Variants in PDE8B observed in about 807,000 individuals in gnomAD.
The protein encoded by PDE8B is high affinity cAMP-specific and IBMX-insensitive 3',5'-cyclic phosphodiesterase 8B.
PDE8B carries 26 observed loss-of-function variants against 101.3 expected under a neutral mutation model. That is an observed-to-expected ratio of 0.26 (90% CI 0.19 to 0.36). PDE8B has a LOEUF of 0.36. Ranked by LOEUF, PDE8B falls within the 10% of genes least tolerant of loss-of-function variation. The probability of loss-of-function intolerance (pLI) is 1.00; values close to 1 mark genes in which losing one functional copy is unlikely to be tolerated. For synonymous variants in PDE8B, 424 were observed against 429.3 expected (o/e 0.99, Z 0.15); for missense variants, 810 against 1,163.1 (o/e 0.70, Z 4.42).
chr5:77,376,020 G>A (rs763984989), intron 10 of PDE8B, among the ~76,000 whole-genome samples: 23 of 150,404 alleles, frequency 1.5e-4, no homozygotes, highest in Non-Finnish European at 2.7e-4. Flanking sequence ...CACCTCCTGC[G>A]TAGCTGGGAT....
At chr5:77,114,032 G>T in the PDE8B span, 5 of 152,178 alleles carry the variant, frequency 3.3e-5, no homozygotes, top group Non-Finnish European at 5.9e-5. Flanking sequence ...AGAGGATGTG[G>T]AGAAATAGGA....
chr5:77,175,167 C>T, the PDE8B span, among the ~76,000 whole-genome samples: 3 of 152,158 alleles, frequency 2.0e-5, no homozygotes, highest in African/African-American at 7.2e-5. Context: ...ATCCATCTCC[C>T]CTGCCTTCTG....
intron 1 of PDE8B, among the ~76,000 whole-genome samples, chr5:77,274,529 A>G (rs1409134962): frequency 2.0e-5 from 3 of 152,230 alleles, no homozygotes; most frequent in Non-Finnish European, 4.4e-5. Context: ...GTGATGGCCA[A>G]CCTGGCCTAG....
intron 10 of PDE8B, among the ~76,000 whole-genome samples, chr5:77,367,408 C>T (rs1784342320): frequency 6.6e-6 from 1 of 152,078 alleles, no homozygotes; most frequent in Admixed American, 6.6e-5. Flanking sequence ...ATCCCTTCCC[C>T]TTGTGTTTGA....
intron 1 of PDE8B, among the ~76,000 whole-genome samples, chr5:77,269,214 T>C (rs546993239): frequency 2.0e-3 from 301 of 152,280 alleles, no homozygotes; most frequent in Non-Finnish European, 2.3e-3. Flanking sequence ...TCATTTGCAT[T>C]TCTCTGGTGA....
At chr5:77,291,369 G>T (rs1767300737) in intron 1 of PDE8B, 2 of 1,611,886 alleles carry the variant, frequency 1.2e-6, no homozygotes, top group African/African-American at 1.3e-5. Flanking sequence ...TAGCACAGTG[G>T]TCTATGGGGG....
chr5:77,331,722 A>G (rs921017976), intron 5 of PDE8B, among the ~76,000 whole-genome samples: 1 of 152,216 alleles, frequency 6.6e-6, no homozygotes, highest in Non-Finnish European at 1.5e-5. Flanking sequence ...ATTATATCAG[A>G]CTAAAATTCT....
chr5:77,397,914 C>T (rs536139479), intron 10 of PDE8B, among the ~76,000 whole-genome samples: 9 of 152,128 alleles, frequency 5.9e-5, no homozygotes, highest in Non-Finnish European at 8.8e-5. Context: ...CCCCACCCCC[C>T]GCCTCCCCAC....
At chr5:77,245,660 A>G (rs1016747709) in intron 1 of PDE8B, among the ~76,000 whole-genome samples, 2 of 152,194 alleles carry the variant, frequency 1.3e-5, no homozygotes, top group South Asian at 2.1e-4. Context: ...ACTAAGGGCT[A>G]TGCACTTATT....
At chr5:77,380,515 C>G (rs538655684) in intron 10 of PDE8B, among the ~76,000 whole-genome samples, 3 of 152,338 alleles carry the variant, frequency 2.0e-5, no homozygotes, top group East Asian at 1.9e-4. Flanking sequence ...TACCGTGAAA[C>G]ACTGTAAATT....
At chr5:77,396,755 A>G (rs924110702) in intron 10 of PDE8B, among the ~76,000 whole-genome samples, 1 of 152,034 alleles carries the variant, frequency 6.6e-6, no homozygotes, top group African/African-American at 2.4e-5. Flanking sequence ...TTTTTAATAA[A>G]CTTCTTTATC....
At chr5:77,185,119 A>C in the PDE8B span, among the ~76,000 whole-genome samples, 1 of 152,228 alleles carries the variant, frequency 6.6e-6, no homozygotes, top group African/African-American at 2.4e-5. Flanking sequence ...TTTTGGTAAG[A>C]ACTAGTCACA....
chr5:77,425,319 G>A (rs1347274307), intron 20 of PDE8B, among the ~76,000 whole-genome samples: 2 of 152,174 alleles, frequency 1.3e-5, no homozygotes, highest in South Asian at 2.1e-4. Flanking sequence ...CCAGCACTTT[G>A]GGAGGCCAAG....
the PDE8B span, chr5:77,105,673 G>A: frequency 6.6e-6 from 1 of 152,268 alleles, no homozygotes; most frequent in Non-Finnish European, 1.5e-5. Flanking sequence ...CCTGGAGTGG[G>A]ATTGCTAGAT....
At chr5:77,313,864 T>C (rs1163545999) in intron 2 of PDE8B, among the ~76,000 whole-genome samples, 2 of 152,238 alleles carry the variant, frequency 1.3e-5, no homozygotes, top group Non-Finnish European at 2.9e-5. Context: ...TTCGTATGTA[T>C]GTGTCCATTC....
chr5:77,339,128 C>T (rs1183337556), intron 6 of PDE8B, among the ~76,000 whole-genome samples: 1 of 152,158 alleles, frequency 6.6e-6, no homozygotes, highest in Non-Finnish European at 1.5e-5. Flanking sequence ...AGCCAGGGCA[C>T]CAAAGACTTT....
the PDE8B span, among the ~76,000 whole-genome samples, chr5:77,107,525 C>CT: frequency 6.6e-6 from 1 of 151,596 alleles, no homozygotes; most frequent in African/African-American, 2.4e-5. Context: ...TTTTTCATGC[C>CT]TTTTTTGCAA....
intron 1 of PDE8B, among the ~76,000 whole-genome samples, chr5:77,238,530 A>G (rs1451606791): frequency 6.6e-6 from 1 of 152,200 alleles, no homozygotes; most frequent in African/African-American, 2.4e-5. Flanking sequence ...TTGTCAGATA[A>G]TTCCAGCATC....
At chr5:77,198,664 T>C in the PDE8B span, among the ~76,000 whole-genome samples, 1 of 152,362 alleles carries the variant, frequency 6.6e-6, no homozygotes, top group African/African-American at 2.4e-5. Flanking sequence ...TTTCAATGTC[T>C]GATAATAGTT....
Sources: gnomAD v4.1 joint callset for allele counts (sites outside exome capture counted in the v4.1 genomes callset) on GRCh38, gnomAD v4.1.1 for gene constraint, MANE v1.5 for transcripts, NCBI Gene and HGNC (gene_info 2026-07-23, HGNC 2026-07-21) for gene names.